TMOD3: variants seen among roughly 807,000 people sequenced by gnomAD.
TMOD3 encodes the protein tropomodulin 3.
Under a neutral mutation model 39.2 loss-of-function variants are expected in TMOD3, and 20 were observed. The observed-to-expected ratio is 0.51, with a 90% CI of 0.36 to 0.74. TMOD3 has a LOEUF of 0.74. Among genes scored for constraint, TMOD3 ranks in the 30% least tolerant of loss-of-function variants. The pLI is 0.00. For missense variants in TMOD3, 381 were observed against 412.8 expected, an observed-to-expected ratio of 0.92 and a Z score of 0.67; for synonymous variants, 143 against 145.8, an observed-to-expected ratio of 0.98 and a Z score of 0.14.
At chr15:51,898,168 A>T (rs549256717) in intron 7 of TMOD3, among the ~76,000 whole-genome samples, 5 of 152,194 alleles carry the variant, frequency 3.3e-5, no homozygotes, top group Non-Finnish European at 7.3e-5. Flanking sequence ...CATCTCATTT[A>T]CTTGCCCTTT....
intron 1 of TMOD3, among the ~76,000 whole-genome samples, chr15:51,838,123 AC>A (rs2056295573): frequency 6.6e-6 from 1 of 151,778 alleles, no homozygotes; most frequent in Non-Finnish European, 1.5e-5. Context: ...CTTTCCCTTT[AC>A]TTTTCTTCTT....
chr15:51,831,604 G>A (rs1322162722), intron 1 of TMOD3, among the ~76,000 whole-genome samples: 1 of 151,840 alleles, frequency 6.6e-6, no homozygotes, highest in Non-Finnish European at 1.5e-5. Flanking sequence ...ACTGATATTA[G>A]ATACATAATT....
intron 9 of TMOD3, among the ~76,000 whole-genome samples, chr15:51,905,956 A>C (rs1479451441): frequency 1.7e-5 from 2 of 115,490 alleles, no homozygotes; most frequent in South Asian, 3.3e-4. Flanking sequence ...GTCTCAAAAA[A>C]AAAAAAAAAA....
chr15:51,851,965 C>T (rs970962857), intron 1 of TMOD3, among the ~76,000 whole-genome samples: 1 of 152,146 alleles, frequency 6.6e-6, no homozygotes, highest in African/African-American at 2.4e-5. Flanking sequence ...TCCTTCTGAA[C>T]CATTTCAGTT....
chr15:51,911,062 T>C lies in TMOD3; in HGVS notation c.*2252T>C, dbSNP rs574567593. 1.3e-5 allele frequency: 2 copies of C among 152,226 alleles called. No individual in the cohort carries two copies. Among genetic ancestry groups the C allele is most frequent in the South Asian group, 4.2e-4 (2 of 4,812 alleles). The allele number at this position is 152,226 out of a possible 1,614,324, so 9.4% of individuals were successfully genotyped here. ...TAGAGACTGCACAGTTCCAGCAAGA[T>C]TGGGAGTCAGGCATGGAGCAGGCAT... On this transcript the variant is annotated 3_prime_UTR_variant, in exon 10 of 10. Coordinates refer to ENST00000308580, the MANE Select transcript of TMOD3 (RefSeq NM_014547.5).
intron 3 of TMOD3, among the ~76,000 whole-genome samples, chr15:51,876,078 A>C (rs2056501549): frequency 1.3e-5 from 2 of 152,110 alleles, no homozygotes; most frequent in African/African-American, 4.8e-5. Context: ...ACTTTGCCTG[A>C]TGTTAATAGA....
At chr15:51,833,438 C>G (rs2056266075) in intron 1 of TMOD3, 1 of 152,186 alleles carries the variant, frequency 6.6e-6, no homozygotes. Flanking sequence ...TCAAGGAGTT[C>G]TGACAATTGT....
chr15:51,886,659 A>AGAGAGG (rs565779722), intron 3 of TMOD3, among the ~76,000 whole-genome samples: 4,628 of 151,704 alleles, frequency 0.031, 110 homozygotes, highest in Non-Finnish European at 0.049. Flanking sequence ...GACCGTGGAG[A>AGAGAGG]GAGAGGGAGA....
chr15:51,900,334 C>T (rs1311507113), intron 8 of TMOD3, 36 bp downstream of exon 8: 5 of 1,611,766 alleles, frequency 3.1e-6, no homozygotes, highest in South Asian at 2.2e-5. Flanking sequence ...GAGGAAGCTA[C>T]AGCCCACGCT....
chr15:51,886,989 C>T lies in TMOD3; in HGVS notation c.284-600C>T, dbSNP rs1410974477. On this transcript the variant is annotated intron_variant, in intron 3 of 9. Transcript: ENST00000308580. ...ATCCTAGCACTTTGGGAGGCCAAGG[C>T]GAGTGGATCACCTTAGGTCAGTAGT... is the stretch of plus-strand genomic sequence containing the variant. Among the ~76,000 whole-genome samples, 4 of 151,936 alleles carry T rather than the reference C, an allele frequency of 2.6e-5. No homozygotes were observed. In the East Asian group the frequency reaches 5.8e-4, roughly 22 times the overall value.
intron 1 of TMOD3, chr15:51,861,117 TG>T: frequency 1.9e-6 from 1 of 526,470 alleles, no homozygotes. Flanking sequence ...AATTTCATGT[TG>T]AACATAATTG....
At chr15:51,842,084 C>CT (rs2056315457) in intron 1 of TMOD3, among the ~76,000 whole-genome samples, 2 of 152,104 alleles carry the variant, frequency 1.3e-5, no homozygotes, top group Non-Finnish European at 2.9e-5. Flanking sequence ...CCTGGTTTGA[C>CT]TTTTTATTAT....
At chr15:51,898,952 A>C (rs981799561) in intron 7 of TMOD3, 1 of 152,154 alleles carries the variant, frequency 6.6e-6, no homozygotes, top group East Asian at 1.9e-4. Flanking sequence ...CACTGAGTCA[A>C]ATGTCTAACA....
chr15:51,888,942 A>G, intron 4 of TMOD3, 114 bp from the exon 5 acceptor site: 1 of 648,342 alleles, frequency 1.5e-6, no homozygotes. Flanking sequence ...TGGGTGTGTG[A>G]TCTGTAATTT....
At chr15:51,879,682 C>A (rs2056522643) in intron 3 of TMOD3, among the ~76,000 whole-genome samples, 2 of 151,876 alleles carry the variant, frequency 1.3e-5, no homozygotes, top group Non-Finnish European at 2.9e-5. Context: ...GGTTACCAAC[C>A]TAAATGAGTA....
intron 1 of TMOD3, among the ~76,000 whole-genome samples, chr15:51,855,898 G>C (rs1204270615): frequency 6.6e-6 from 1 of 152,200 alleles, no homozygotes; most frequent in East Asian, 1.9e-4. Flanking sequence ...CCTCAATAAA[G>C]GATGAGAGTT....
chr15:51,883,631 AGTT>A (rs1203636818), intron 3 of TMOD3, among the ~76,000 whole-genome samples: 1 of 152,190 alleles, frequency 6.6e-6, no homozygotes, highest in Non-Finnish European at 1.5e-5. Context: ...ACCATAATCC[AGTT>A]GCTGTCAACC....
At chr15:51,866,533 G>A (rs2056448009) in intron 2 of TMOD3, among the ~76,000 whole-genome samples, 1 of 152,020 alleles carries the variant, frequency 6.6e-6, no homozygotes, top group Admixed American at 6.6e-5. Context: ...GAAAAAAAAG[G>A]CTTTCTAGGG....
intron 2 of TMOD3, among the ~76,000 whole-genome samples, chr15:51,865,112 A>T (rs574999718): frequency 6.6e-6 from 1 of 152,178 alleles, no homozygotes; most frequent in East Asian, 1.9e-4. Flanking sequence ...TCAGCCTCCT[A>T]TGTAGCTAGG....
Sources: gnomAD v4.1 joint callset for allele counts (sites outside exome capture counted in the v4.1 genomes callset) on GRCh38, gnomAD v4.1.1 for gene constraint, MANE v1.5 for transcripts, NCBI Gene and HGNC (gene_info 2026-07-23, HGNC 2026-07-21) for gene names.